The following ADAMTSL1 variants were observed in gnomAD, a reference collection of about 807,000 sequenced individuals.
The protein encoded by ADAMTSL1 is ADAMTS-like protein 1.
ADAMTSL1 carries 126 observed loss-of-function variants against 201.8 expected under a neutral mutation model. The ratio of observed to expected loss-of-function variants is 0.62; its 90% CI spans 0.54 to 0.72. The LOEUF (loss-of-function observed/expected upper bound fraction) is 0.72. Ranked by LOEUF, ADAMTSL1 falls within the 30% of genes least tolerant of loss-of-function variation. ADAMTSL1 has a pLI of 0.00. For synonymous variants in ADAMTSL1, 1,121 were observed against 903.4 expected (o/e 1.24, Z -4.32); for missense variants, 2,679 against 2,277.8 (o/e 1.18, Z -3.59).
At chr9:18,776,020 G>A in intron 18 of ADAMTSL1, 124 bp downstream of exon 18, 1 of 1,303,098 alleles carries the variant, frequency 7.7e-7, no homozygotes, top group South Asian at 1.5e-5. Context: ...AGAACCCCAT[G>A]GAGGGCTGCA....
chr9:18,259,905 CTG>C (rs1408878297), intron 2 of ADAMTSL1, among the ~76,000 whole-genome samples: 1 of 152,168 alleles, frequency 6.6e-6, no homozygotes, highest in Non-Finnish European at 1.5e-5. Flanking sequence ...TTCCTAGTCA[CTG>C]TGAGATCATG....
intron 1 of ADAMTSL1, among the ~76,000 whole-genome samples, chr9:18,064,373 A>G (rs1440945577): frequency 6.6e-6 from 1 of 152,172 alleles, no homozygotes; most frequent in African/African-American, 2.4e-5. Flanking sequence ...GCCACTTGGA[A>G]TTTGAGAACT....
chr9:18,063,174 C>G (rs889275455), intron 1 of ADAMTSL1, among the ~76,000 whole-genome samples: 2 of 151,966 alleles, frequency 1.3e-5, no homozygotes, highest in Non-Finnish European at 2.9e-5. Flanking sequence ...GAGACTGTCT[C>G]TCTTAAAAAA....
At chr9:18,091,328 T>C (rs1173081299) in intron 1 of ADAMTSL1, among the ~76,000 whole-genome samples, 5 of 152,078 alleles carry the variant, frequency 3.3e-5, no homozygotes, top group African/African-American at 1.2e-4. Flanking sequence ...CTGGCTGAAG[T>C]GTCATGATAA....
intron 1 of ADAMTSL1, among the ~76,000 whole-genome samples, chr9:18,478,582 T>C (rs1032394011): frequency 3.3e-5 from 5 of 152,190 alleles, no homozygotes; most frequent in African/African-American, 1.2e-4. Context: ...AATTCATGTA[T>C]CTTCCAGTTT....
At chr9:18,713,697 G>C (rs2133374013) in intron 14 of ADAMTSL1, among the ~76,000 whole-genome samples, 1 of 149,634 alleles carries the variant, frequency 6.7e-6, no homozygotes, top group Non-Finnish European at 1.5e-5. Context: ...CAACAAGACA[G>C]AAAGTCGACA....
chr9:18,539,993 G>A (rs1236483442), intron 3 of ADAMTSL1, among the ~76,000 whole-genome samples: 1 of 152,132 alleles, frequency 6.6e-6, no homozygotes, highest in African/African-American at 2.4e-5. Flanking sequence ...ACTCACTGTA[G>A]TCATTCAACA....
chr9:18,359,706 A>G (rs1836416825), intron 2 of ADAMTSL1, among the ~76,000 whole-genome samples: 1 of 152,110 alleles, frequency 6.6e-6, no homozygotes, highest in Non-Finnish European at 1.5e-5. Context: ...TTGATCATGT[A>G]AGATATGTAT....
intron 1 of ADAMTSL1, among the ~76,000 whole-genome samples, chr9:17,927,929 G>T (rs1826618622): frequency 6.6e-6 from 1 of 151,368 alleles, no homozygotes; most frequent in African/African-American, 2.4e-5. Flanking sequence ...TGTGAATAAT[G>T]TTGCTATGAA....
chr9:18,042,599 A>G (rs1327145784), intron 1 of ADAMTSL1, among the ~76,000 whole-genome samples: 3 of 152,182 alleles, frequency 2.0e-5, no homozygotes, highest in African/African-American at 4.8e-5. Context: ...CTGTTTAGTC[A>G]GGATCAAATT....
intron 19 of ADAMTSL1, among the ~76,000 whole-genome samples, chr9:18,779,751 T>G (rs914986709): frequency 3.9e-5 from 6 of 152,182 alleles, no homozygotes; most frequent in Admixed American, 1.3e-4. Context: ...AGCTCCAGTG[T>G]GTGGACCCAG....
At chr9:18,324,254 C>T (rs1834737404) in intron 2 of ADAMTSL1, among the ~76,000 whole-genome samples, 1 of 152,028 alleles carries the variant, frequency 6.6e-6, no homozygotes, top group Non-Finnish European at 1.5e-5. Flanking sequence ...AGTGGATAAA[C>T]ATATGGGAAA....
intron 1 of ADAMTSL1, among the ~76,000 whole-genome samples, chr9:18,020,700 A>C (rs181268332): frequency 3.1e-3 from 472 of 152,206 alleles, no homozygotes; most frequent in African/African-American, 0.01. Context: ...GGATGGAGAC[A>C]CAGAGTCAAA....
chr9:18,061,907 T>TC (rs1822473141), intron 1 of ADAMTSL1, among the ~76,000 whole-genome samples: 2 of 152,210 alleles, frequency 1.3e-5, no homozygotes, highest in Non-Finnish European at 2.9e-5. Flanking sequence ...AGCAAAATGA[T>TC]TGAGCATTTG....
At chr9:18,375,334 T>A (rs1243526853) in intron 2 of ADAMTSL1, among the ~76,000 whole-genome samples, 1 of 149,736 alleles carries the variant, frequency 6.7e-6, no homozygotes, top group African/African-American at 2.5e-5. Context: ...TAATTGCTAT[T>A]TTTTTTATTT....
intron 1 of ADAMTSL1, among the ~76,000 whole-genome samples, chr9:18,102,463 G>A (rs16936313): frequency 0.012 from 1,778 of 152,278 alleles, 33 homozygotes; most frequent in African/African-American, 0.038. Flanking sequence ...TTTCAAAAAC[G>A]TATTCAGCAT....
intron 20 of ADAMTSL1, among the ~76,000 whole-genome samples, chr9:18,797,444 TAAAAC>T (rs1822494153): frequency 6.6e-6 from 1 of 152,186 alleles, no homozygotes; most frequent in Non-Finnish European, 1.5e-5. Context: ...CAGCAATAAA[TAAAAC>T]CTGTGTTTTG....
chr9:18,493,585 G>A (rs940428935), intron 1 of ADAMTSL1, among the ~76,000 whole-genome samples: 2 of 152,144 alleles, frequency 1.3e-5, no homozygotes, highest in Non-Finnish European at 2.9e-5. Flanking sequence ...AGATGTGACA[G>A]GTTAATCATC....
intron 12 of ADAMTSL1, among the ~76,000 whole-genome samples, chr9:18,683,481 G>A (rs1246611054): frequency 6.6e-6 from 1 of 151,984 alleles, no homozygotes; most frequent in African/African-American, 2.4e-5. Context: ...AATCGCCTCG[G>A]CCTCCCAAAG....
Sources: gnomAD v4.1 joint callset for allele counts (sites outside exome capture counted in the v4.1 genomes callset) on GRCh38, gnomAD v4.1.1 for gene constraint, MANE v1.5 for transcripts, NCBI Gene and HGNC (gene_info 2026-07-23, HGNC 2026-07-21) for gene names.